The following CDH12 variants were observed in gnomAD, a reference collection of about 807,000 sequenced individuals.
CDH12 encodes the protein cadherin-12.
Under a neutral mutation model 74.1 loss-of-function variants are expected in CDH12, and 41 were observed. That is an observed-to-expected ratio of 0.55 (90% confidence interval 0.43 to 0.72). CDH12 has a LOEUF of 0.72. Ranked by LOEUF, CDH12 falls within the 30% of genes least tolerant of loss-of-function variation. CDH12 has a pLI of 0.00. For missense variants in CDH12, 945 were observed against 977.2 expected, an observed-to-expected ratio of 0.97 and a Z score of 0.44; for synonymous variants, 399 against 355.0, an observed-to-expected ratio of 1.12 and a Z score of -1.39.
intron 9 of CDH12, among the ~76,000 whole-genome samples, chr5:21,816,004 A>G (rs1748019125): frequency 6.6e-6 from 1 of 152,210 alleles, no homozygotes; most frequent in Non-Finnish European, 1.5e-5. Flanking sequence ...TAGTTGAATC[A>G]CAGAATAATA....
intron 4 of CDH12, among the ~76,000 whole-genome samples, chr5:22,104,164 T>G (rs563565186): frequency 6.6e-6 from 1 of 152,308 alleles, no homozygotes; most frequent in Non-Finnish European, 1.5e-5. Context: ...ATAGATATCA[T>G]ACCTACATTA....
Position 21,999,711 on chromosome 5 carries a change from G to A in CDH12, c.232-24326C>T, listed in dbSNP as rs1333162348. 4.6e-5 allele frequency among the ~76,000 whole-genome samples: 7 copies of A among 150,992 alleles called. No individual in the cohort carries two copies. The East Asian group carries it at 1.4e-3, about 30-fold the overall frequency. ...AAATGTCGATAGGTCAATCTATCAA[G>A]GTTTTCCTCAAACAAGTATATATAC... On this transcript the variant is annotated intron_variant, in intron 5 of 14. Transcript: ENST00000382254.
chr5:22,702,815 T>G (rs549594741), intron 1 of CDH12, among the ~76,000 whole-genome samples: 7 of 152,250 alleles, frequency 4.6e-5, no homozygotes, highest in African/African-American at 1.7e-4. Context: ...TGAGAGACCC[T>G]GGTCCTTTGA....
At chr5:21,752,324 G>T (rs999710369) in intron 14 of CDH12, 88 bp from the exon 15 acceptor site, 6 of 1,199,672 alleles carry the variant, frequency 5.0e-6, no homozygotes, top group Non-Finnish European at 7.0e-6. Context: ...ATTAGGGGTG[G>T]CTGAGTTTCG....
intron 4 of CDH12, among the ~76,000 whole-genome samples, chr5:22,134,054 G>GTA (rs980120177): frequency 2.9e-4 from 44 of 152,210 alleles, no homozygotes; most frequent in African/African-American, 1.0e-3. Context: ...ACAGAGAACA[G>GTA]TACCCAAGAT....
chr5:21,990,813 C>A (rs1459449290), intron 5 of CDH12, among the ~76,000 whole-genome samples: 4 of 151,588 alleles, frequency 2.6e-5, no homozygotes, highest in African/African-American at 7.3e-5. Flanking sequence ...TGGCTCAAGA[C>A]ACACAAGTAA....
intron 2 of CDH12, among the ~76,000 whole-genome samples, chr5:22,427,598 T>C (rs941643242): frequency 2.6e-5 from 4 of 152,212 alleles, no homozygotes; most frequent in African/African-American, 7.2e-5. Context: ...CTGCAAGACA[T>C]CCAGTAGATA....
intron 4 of CDH12, among the ~76,000 whole-genome samples, chr5:22,201,434 C>A (rs1309536088): frequency 1.3e-5 from 2 of 152,050 alleles, no homozygotes; most frequent in African/African-American, 2.4e-5. Flanking sequence ...CAGACAAATA[C>A]CGCATGTTCT....
At chr5:22,368,130 A>G (rs1041712356) in intron 3 of CDH12, among the ~76,000 whole-genome samples, 5 of 152,108 alleles carry the variant, frequency 3.3e-5, no homozygotes, top group Non-Finnish European at 5.9e-5. Context: ...AACTAAATAT[A>G]TATTCATTAT....
At chr5:22,385,854 G>A (rs1022592475) in intron 3 of CDH12, among the ~76,000 whole-genome samples, 42 of 148,498 alleles carry the variant, frequency 2.8e-4, no homozygotes, top group African/African-American at 1.0e-3. Context: ...CAGAGCAGGA[G>A]AAAGGGAGAG....
At chr5:22,095,797 T>A (rs1377641518) in intron 4 of CDH12, among the ~76,000 whole-genome samples, 1 of 150,966 alleles carries the variant, frequency 6.6e-6, no homozygotes, top group Non-Finnish European at 1.5e-5. Flanking sequence ...CAACCTCTTA[T>A]CTCTGTGCTC....
chr5:22,635,226 C>G (rs1359259709), intron 1 of CDH12, among the ~76,000 whole-genome samples: 1 of 152,054 alleles, frequency 6.6e-6, no homozygotes, highest in Non-Finnish European at 1.5e-5. Flanking sequence ...ACAAGATTGC[C>G]AAGAAAATTC....
At chr5:21,977,204 A>G (rs984209125) in intron 5 of CDH12, among the ~76,000 whole-genome samples, 8 of 152,096 alleles carry the variant, frequency 5.3e-5, no homozygotes, top group African/African-American at 1.9e-4. Context: ...AAGTTTCTGT[A>G]TATTTTACTT....
At chr5:21,976,326 A>G (rs1477852360) in intron 5 of CDH12, among the ~76,000 whole-genome samples, 1 of 152,114 alleles carries the variant, frequency 6.6e-6, no homozygotes, top group East Asian at 1.9e-4. Context: ...AGAGAACTAA[A>G]GAGTAGAGAG....
chr5:22,116,420 A>C (rs1745106427), intron 4 of CDH12, among the ~76,000 whole-genome samples: 2 of 152,258 alleles, frequency 1.3e-5, no homozygotes, highest in Non-Finnish European at 2.9e-5. Flanking sequence ...CTTAGCTAAC[A>C]CAGTGAAACC....
intron 5 of CDH12, among the ~76,000 whole-genome samples, chr5:21,981,273 C>T (rs1158500462): frequency 2.0e-5 from 3 of 151,606 alleles, no homozygotes; most frequent in Admixed American, 6.6e-5. Context: ...AGAATGTATC[C>T]TTTTCTTCTT....
intron 2 of CDH12, among the ~76,000 whole-genome samples, chr5:22,501,576 C>T (rs1317557732): frequency 6.6e-6 from 1 of 151,972 alleles, no homozygotes; most frequent in Non-Finnish European, 1.5e-5. Context: ...TTGTGAAATC[C>T]TAACAGGCGT....
At chr5:22,277,754 A>T (rs780755026) in intron 3 of CDH12, among the ~76,000 whole-genome samples, 4 of 152,154 alleles carry the variant, frequency 2.6e-5, no homozygotes, top group Non-Finnish European at 5.9e-5. Context: ...GAATTGCTTG[A>T]ACCCGGGAGG....
At chr5:22,074,447 G>T (rs959167230) in intron 5 of CDH12, among the ~76,000 whole-genome samples, 3 of 152,062 alleles carry the variant, frequency 2.0e-5, no homozygotes, top group Non-Finnish European at 4.4e-5. Flanking sequence ...GGCAACAAAA[G>T]ACAAAATTGA....
Sources: gnomAD v4.1 joint callset for allele counts (sites outside exome capture counted in the v4.1 genomes callset) on GRCh38, gnomAD v4.1.1 for gene constraint, MANE v1.5 for transcripts, NCBI Gene and HGNC (gene_info 2026-07-23, HGNC 2026-07-21) for gene names.